EML6: variants seen among roughly 807,000 people sequenced by gnomAD.
EML6 encodes echinoderm microtubule-associated protein-like 6.
In EML6, 154 loss-of-function variants were observed where a neutral mutation model predicts 240.1. The observed-to-expected ratio is 0.64, with a 90% CI of 0.56 to 0.73. The LOEUF (loss-of-function observed/expected upper bound fraction) is 0.73. Among genes scored for constraint, EML6 ranks in the 30% least tolerant of loss-of-function variants. The probability of loss-of-function intolerance (pLI) is 0.00; values close to 1 mark genes in which losing one functional copy is unlikely to be tolerated. For synonymous variants in EML6, 1,148 were observed against 899.0 expected (o/e 1.28, Z -4.95); for missense variants, 2,964 against 2,474.6 (o/e 1.20, Z -4.20).
intron 21 of EML6, among the ~76,000 whole-genome samples, chr2:54,898,559 A>G (rs183133633): frequency 6.6e-6 from 1 of 152,286 alleles, no homozygotes; most frequent in Admixed American, 6.5e-5. Flanking sequence ...TCATTTTCTC[A>G]TATTTGAATG....
intron 2 of EML6, among the ~76,000 whole-genome samples, chr2:54,804,278 G>C (rs1390210141): frequency 6.6e-6 from 1 of 152,194 alleles, no homozygotes; most frequent in Non-Finnish European, 1.5e-5. Flanking sequence ...CAGGACTTCT[G>C]CCAGATACAA....
At chr2:54,891,212 AAAAAC>A (rs1476176890) in intron 18 of EML6, 58 bp downstream of exon 18, 1 of 884,750 alleles carries the variant, frequency 1.1e-6, no homozygotes, top group East Asian at 2.7e-5. Context: ...AGCTGGAAAG[AAAAAC>A]AAAACAAACT....
At chr2:54,837,022 C>G (rs1368434963) in intron 7 of EML6, among the ~76,000 whole-genome samples, 1 of 152,114 alleles carries the variant, frequency 6.6e-6, no homozygotes, top group African/African-American at 2.4e-5. Flanking sequence ...TTTTGAAGAT[C>G]TCTGCTGTCT....
At chr2:54,792,586 C>G (rs165051) in intron 2 of EML6, among the ~76,000 whole-genome samples, 51,727 of 152,110 alleles carry the variant, frequency 0.34, 9,464 homozygotes, top group Admixed American at 0.45. Flanking sequence ...TGCGTATCTG[C>G]ATTACTGTGG....
chr2:54,899,859 T>A, intron 22 of EML6, 77 bp downstream of exon 22: 1 of 1,404,608 alleles, frequency 7.1e-7, no homozygotes, highest in South Asian at 1.4e-5. Context: ...ACTCAGTTAA[T>A]ATTTACTGAG....
In EML6 at chr2:54,896,895, C is replaced by A. The variant is rs544249391; in HGVS notation, c.2982+1495C>A. Among the ~76,000 whole-genome samples the A allele has an allele frequency of 5.3e-5, 8 of 152,288 alleles. No individual in the cohort carries two copies. In the East Asian group the frequency reaches 1.5e-3, roughly 29 times the overall value. On this transcript the variant is annotated intron_variant, in intron 21 of 41. Transcript: ENST00000356458. Reference sequence around the variant, plus strand: ...AGTCTGTGTTTTTAAAAGAAAAAATCTATGTTAAAAACAAACCTCGAAAGC... The same window carrying A: ...AGTCTGTGTTTTTAAAAGAAAAAATATATGTTAAAAACAAACCTCGAAAGC...
chr2:54,756,904 C>G (rs1269751570), intron 2 of EML6, among the ~76,000 whole-genome samples: 2 of 151,890 alleles, frequency 1.3e-5, no homozygotes, highest in Non-Finnish European at 2.9e-5. Context: ...TTCTTCAAAG[C>G]TTTTTGGTAG....
rs187668326 is a variant in EML6, at chr2:54,898,668, C to T, written c.2983-973C>T. Reference sequence around the variant, plus strand: ...ATCATCCAATTTCTCTTTGGAAAGCCACCTGTTCCCCAAAGCATTCCAGCT... The same window carrying T: ...ATCATCCAATTTCTCTTTGGAAAGCTACCTGTTCCCCAAAGCATTCCAGCT... On this transcript the variant is annotated intron_variant, in intron 21 of 41. Coordinates refer to ENST00000356458, the MANE Select transcript of EML6 (RefSeq NM_001039753.4). 4.8e-3 allele frequency among the ~76,000 whole-genome samples: 728 copies of T among 152,268 alleles called. 3 individuals are homozygous for T. Among genetic ancestry groups the T allele is most frequent in the South Asian group, 0.015 (72 of 4,822 alleles).
chr2:54,878,263 G>T (rs959882513), intron 16 of EML6, among the ~76,000 whole-genome samples: 1 of 152,164 alleles, frequency 6.6e-6, no homozygotes, highest in Non-Finnish European at 1.5e-5. Flanking sequence ...TGGGACCTCC[G>T]AGTGGACTGG....
chr2:54,884,492 A>G (rs1401366639), intron 17 of EML6, among the ~76,000 whole-genome samples: 2 of 152,144 alleles, frequency 1.3e-5, no homozygotes, highest in African/African-American at 4.8e-5. Context: ...GCAAGTCCCA[A>G]TCCTCTACTA....
intron 40 of EML6, 127 bp downstream of exon 40, chr2:54,968,408 G>A: frequency 1.1e-6 from 1 of 947,314 alleles, no homozygotes; most frequent in South Asian, 1.6e-5. Context: ...TGGAAATATG[G>A]CAATGAGTTT....
Position 54,903,099 on chromosome 2 carries a change from C to G in EML6, c.3180C>G (p.Asn1060Lys). 6.4e-7 allele frequency: 1 copy of G among 1,551,736 alleles called. No homozygotes were observed. Among genetic ancestry groups the G allele is most frequent in the Non-Finnish European group, 8.7e-7 (1 of 1,146,926 alleles). The change falls in exon 23 of 42, where the codon AAC (asparagine) becomes AAG (lysine). Residue 1060 changes from asparagine (N) to lysine (K), a missense_variant. Transcript: ENST00000356458. ...PDGKALAVGLNDGSFLVVNAD... is the reference protein window; with the variant it reads ...PDGKALAVGLKDGSFLVVNAD... ...GGAAAGCCTTAGCGGTTGGCTTGAA[C>G]GATGGGAGTTTCCTGGTGGTAAATG...
chr2:54,780,129 G>C lies in EML6; in HGVS notation c.198-33103G>C, dbSNP rs113677579. ...GTGTAGAAGCTAACACATGCATTTA[G>C]CCAACTGAGAGGCATTTATTAATAA... On this transcript the variant is annotated intron_variant, in intron 2 of 41. Coordinates refer to ENST00000356458, the MANE Select transcript of EML6 (RefSeq NM_001039753.4). 1.6e-3 allele frequency among the ~76,000 whole-genome samples: 251 copies of C among 152,152 alleles called. 1 individual carries two copies. Among genetic ancestry groups the C allele is most frequent in the African/African-American group, 5.8e-3 (239 of 41,518 alleles).
chr2:54,953,842 G>C (rs1002434092), intron 31 of EML6, 141 bp from the exon 32 acceptor site: 1 of 642,632 alleles, frequency 1.6e-6, no homozygotes, highest in Admixed American at 3.1e-5. Context: ...AGCTGAGCTG[G>C]TGCCACTGCA....
intron 2 of EML6, among the ~76,000 whole-genome samples, chr2:54,788,889 CTGGT>C (rs1242090862): frequency 6.6e-6 from 1 of 152,162 alleles, no homozygotes; most frequent in Non-Finnish European, 1.5e-5. Flanking sequence ...TCATTTCTGA[CTGGT>C]TGGAGTTCCA....
chr2:54,791,012 AC>A (rs1480466511), intron 2 of EML6, among the ~76,000 whole-genome samples: 2 of 152,162 alleles, frequency 1.3e-5, no homozygotes, highest in Admixed American at 1.3e-4. Context: ...GGCGTGAGCC[AC>A]CGCGCCCGGC....
chr2:54,950,819 G>GT (rs1558718998), intron 30 of EML6, 40 bp downstream of exon 30: 18 of 1,535,846 alleles, frequency 1.2e-5, no homozygotes, highest in Non-Finnish European at 1.5e-5. Flanking sequence ...TCTTTTAGCT[G>GT]TTTTTTACAT....
chr2:54,815,895 A>G (rs1668060662), intron 3 of EML6, among the ~76,000 whole-genome samples: 1 of 152,210 alleles, frequency 6.6e-6, no homozygotes, highest in South Asian at 2.1e-4. Context: ...GGGGAATACC[A>G]TATTTTTAAA....
chr2:54,915,843 G>C lies in EML6; in HGVS notation c.3499-916G>C, dbSNP rs557002422. 1.2e-4 allele frequency among the ~76,000 whole-genome samples: 18 copies of C among 152,242 alleles called. No individual in the cohort carries two copies. In the South Asian group the frequency reaches 3.7e-3, roughly 32 times the overall value. ...CAGTTCTCTAATTTCTTTTACTCCA[G>C]TGCTTTCTCTAAAGAAACTGGAATA... On this transcript the variant is annotated intron_variant, in intron 25 of 41. Transcript: ENST00000356458.
Sources: allele counts gnomAD v4.1 joint callset (sites outside exome capture counted in the v4.1 genomes callset), GRCh38; gene constraint gnomAD v4.1.1; transcripts MANE v1.5; gene names NCBI Gene and HGNC (gene_info 2026-07-23, HGNC 2026-07-21).